Variants in HNRNPA0 observed in about 807,000 individuals in gnomAD.
HNRNPA0 encodes the protein hnRNA binding protein.
For missense variants in HNRNPA0, 252 were observed against 433.7 expected (o/e 0.58, Z 3.72); for synonymous variants, 243 against 195.5 (o/e 1.24, Z -2.03).
Position 137,753,277 on chromosome 5 carries a change from A to T in HNRNPA0, c.790T>A (p.Ser264Thr). The change falls in exon 1 of 1, where the codon TCC becomes ACC. Residue 264 changes from serine (S) to threonine (T), a missense_variant. By Grantham distance (58) the Ser-to-Thr change is moderately conservative. Transcript: ENST00000314940. The surrounding 1 kb of genome is among the most constrained non-coding windows in gnomAD (Gnocchi z 6.1). ...GFGSYSQHQSSYGPMKSGGGG... is the reference protein window; with the variant it reads ...GFGSYSQHQSTYGPMKSGGGG... ...CCGCCGCTCTTCATGGGCCCATAGG[A>T]GGACTGATGCTGGCTGTAGCTGCCG... is the stretch of plus-strand genomic sequence containing the variant. 1 of 1,597,914 alleles carries T rather than the reference A, an allele frequency of 6.3e-7. No individual in the cohort carries two copies. Among genetic ancestry groups the T allele is most frequent in the South Asian group, 1.1e-5 (1 of 90,006 alleles).
Position 137,746,332 on chromosome 5 carries a change from A to T in HNRNPA0, c.*6817T>A, listed in dbSNP as rs1753408270. 6.6e-6 allele frequency: 1 copy of T among 152,206 alleles called. No individual in the cohort carries two copies. Among genetic ancestry groups the T allele is most frequent in the African/African-American group, 2.4e-5 (1 of 41,448 alleles). 9.4% of individuals were successfully genotyped at this position (152,206 alleles called of 1,614,324 possible). A position where few individuals can be genotyped will look rare whatever the true frequency, so the allele number is the denominator to read the frequency against. ...CCTCTGCTCAAAACTGAAATGGTTC[A>T]CCATTCATTTAGTGAAAACCAAAAT... is the stretch of plus-strand genomic sequence containing the variant. On this transcript the variant is annotated 3_prime_UTR_variant, in exon 1 of 1. Coordinates refer to ENST00000314940, the MANE Select transcript of HNRNPA0 (RefSeq NM_006805.4).
rs901022689 is a variant in HNRNPA0 at position 137,746,129 on chromosome 5, T to A, written c.*7020A>T. 1 of 152,226 alleles carries A rather than the reference T, an allele frequency of 6.6e-6. No homozygotes were observed. Among genetic ancestry groups the A allele is most frequent in the Non-Finnish European group, 1.5e-5 (1 of 68,042 alleles). 9.4% of individuals were successfully genotyped at this position (152,226 alleles called of 1,614,324 possible). ...GATTCATTTTGGCCAAAAAGCAGCA[T>A]CTCTCAACATATATATGTAGATACC... On this transcript the variant is annotated 3_prime_UTR_variant, in exon 1 of 1. Transcript: ENST00000314940.
chr5:137,750,535 G>A lies in HNRNPA0; in HGVS notation c.*2614C>T, dbSNP rs1312209440. Reference sequence around the variant, plus strand: ...TTCAACACTAGGTTCTGTACCACCTGCTCCCATGAACTCTTAAATCTGAAT... The same window carrying A: ...TTCAACACTAGGTTCTGTACCACCTACTCCCATGAACTCTTAAATCTGAAT... On this transcript the variant is annotated 3_prime_UTR_variant, in exon 1 of 1. Transcript: ENST00000314940. The A allele has an allele frequency of 6.6e-6, 1 of 152,118 alleles. No individual in the cohort carries two copies. The highest frequency in any genetic ancestry group is 1.5e-5 in the Non-Finnish European group (1 of 67,998). The allele number at this position is 152,118 out of a possible 1,614,324, so 9.4% of individuals were successfully genotyped here. A position where few individuals can be genotyped will look rare whatever the true frequency, so the allele number is the denominator to read the frequency against.
rs957661060 is a variant in HNRNPA0, at chr5:137,752,931, T to C, written c.*218A>G. On this transcript the variant is annotated 3_prime_UTR_variant, in exon 1 of 1. Coordinates refer to ENST00000314940, the MANE Select transcript of HNRNPA0 (RefSeq NM_006805.4). ...CATCAATGACTGTAACACAAAAATG[T>C]GTATGTGGGGCCGAGTCCATCTTCA... 1.6e-4 allele frequency: 78 copies of C among 498,172 alleles called. No homozygotes were observed. Among genetic ancestry groups the C allele is most frequent in the Non-Finnish European group, 1.6e-4 (45 of 283,406 alleles). 30.9% of individuals were successfully genotyped at this position (498,172 alleles called of 1,614,324 possible).
At position 137,747,289 on chromosome 5, in the gene HNRNPA0, T is replaced by A. The variant is rs138221901; in HGVS notation, c.*5860A>T. The A allele has an allele frequency of 6.6e-6, 1 of 152,174 alleles. No homozygotes were observed. The highest frequency in any genetic ancestry group is 2.1e-4 in the South Asian group (1 of 4,822). The allele number at this position is 152,174 out of a possible 1,614,324, so 9.4% of individuals were successfully genotyped here. On this transcript the variant is annotated 3_prime_UTR_variant, in exon 1 of 1. Transcript: ENST00000314940. ...GAAAAGAGAGTATGCAGTTCTTTAT[T>A]TGTCAGCCTCCCAGGAACACAGAAC...
chr5:137,750,142 T>C lies in HNRNPA0; in HGVS notation c.*3007A>G, dbSNP rs1753473599. 1 of 152,158 alleles carries C rather than the reference T, an allele frequency of 6.6e-6. No homozygotes were observed. The highest frequency in any genetic ancestry group is 1.5e-5 in the Non-Finnish European group (1 of 68,012). 9.4% of individuals were successfully genotyped at this position (152,158 alleles called of 1,614,324 possible). A position where few individuals can be genotyped will look rare whatever the true frequency, so the allele number is the denominator to read the frequency against. On this transcript the variant is annotated 3_prime_UTR_variant, in exon 1 of 1. Transcript: ENST00000314940. ...CTACAGATATTCCAATCAAAAAATC[T>C]AAAATGCTCCAAAATCCGAAATTTT...
Position 137,748,483 on chromosome 5 carries a change from T to A in HNRNPA0, c.*4666A>T, listed in dbSNP as rs1753444416. ...TAAGATATAAAAGTATGCCTTTTGC[T>A]AGTCTGTCCCACCTCTTCATTAGGG... On this transcript the variant is annotated 3_prime_UTR_variant, in exon 1 of 1. Coordinates refer to ENST00000314940, the MANE Select transcript of HNRNPA0 (RefSeq NM_006805.4). 1 of 152,176 alleles carries A rather than the reference T, an allele frequency of 6.6e-6. No homozygotes were observed. The highest frequency in any genetic ancestry group is 2.1e-4 in the South Asian group (1 of 4,834). The allele number at this position is 152,176 out of a possible 1,614,324, so 9.4% of individuals were successfully genotyped here. A position where few individuals can be genotyped will look rare whatever the true frequency, so the allele number is the denominator to read the frequency against.
At position 137,750,571 on chromosome 5, in the gene HNRNPA0, T is replaced by TA. The variant is rs1753479138; in HGVS notation, c.*2577dup. ...CTCTTAAATCTGAATAATGTTCAGATAATTTTCATAGGTGGAAGTGGTCAA... is the reference window on the plus strand; with the variant it reads ...CTCTTAAATCTGAATAATGTTCAGATAAATTTTCATAGGTGGAAGTGGTCAA... On this transcript the variant is annotated 3_prime_UTR_variant, in exon 1 of 1. Coordinates refer to ENST00000314940, the MANE Select transcript of HNRNPA0 (RefSeq NM_006805.4). The TA allele has an allele frequency of 6.6e-6, 1 of 152,166 alleles. No homozygotes were observed. Among genetic ancestry groups the TA allele is most frequent in the South Asian group, 2.1e-4 (1 of 4,832 alleles). 9.4% of individuals were successfully genotyped at this position (152,166 alleles called of 1,614,324 possible).
chr5:137,748,647 T>C lies in HNRNPA0; in HGVS notation c.*4502A>G, dbSNP rs1368546460. 6.6e-6 allele frequency: 1 copy of C among 152,164 alleles called. No individual in the cohort carries two copies. Among genetic ancestry groups the C allele is most frequent in the Non-Finnish European group, 1.5e-5 (1 of 68,004 alleles). The allele number at this position is 152,164 out of a possible 1,614,324, so 9.4% of individuals were successfully genotyped here. A position where few individuals can be genotyped will look rare whatever the true frequency, so the allele number is the denominator to read the frequency against. On this transcript the variant is annotated 3_prime_UTR_variant, in exon 1 of 1. Transcript: ENST00000314940. ...TTTTTACAAATAAGGCAAGTGAGGC[T>C]CGGGCCAGTTTGTCCAAGGTCGCAG...
rs962233399 is a variant in HNRNPA0 at position 137,750,091 on chromosome 5, G to A, written c.*3058C>T. The A allele has an allele frequency of 2.0e-5, 3 of 151,944 alleles. No homozygotes were observed. Among genetic ancestry groups the A allele is most frequent in the Non-Finnish European group, 4.4e-5 (3 of 67,962 alleles). 9.4% of individuals were successfully genotyped at this position (151,944 alleles called of 1,614,324 possible). On this transcript the variant is annotated 3_prime_UTR_variant, in exon 1 of 1. Coordinates refer to ENST00000314940, the MANE Select transcript of HNRNPA0 (RefSeq NM_006805.4). ...GGATACAGTAAATCAGTACCAATGA[G>A]AGCTTTTTAAATGACCTGAAAAACA...
rs1007804614 is a variant in HNRNPA0, at chr5:137,753,397, C to T, written c.670G>A (p.Gly224Ser). 6.5e-7 allele frequency: 1 copy of T among 1,547,910 alleles called. No individual in the cohort carries two copies. The highest frequency in any genetic ancestry group is 8.7e-7 in the Non-Finnish European group (1 of 1,146,080). Residue 224 changes from glycine (G) to serine (S), a missense_variant, in exon 1 of 1, where the codon GGC becomes AGC. Transcript: ENST00000314940. The surrounding 1 kb of genome is among the most constrained non-coding windows in gnomAD (Gnocchi z 6.1). ...GGGYNSYGGY[G>S]GGGGGGYNAY... is the part of the protein sequence containing the mutation. ...TTGTAGCCGCCGCCTCCGCCGCCGCCGTAACCACCGTAGCTGTTGTAACCG... is the reference window on the plus strand; with the variant it reads ...TTGTAGCCGCCGCCTCCGCCGCCGCTGTAACCACCGTAGCTGTTGTAACCG...
rs1312695854 is a variant in HNRNPA0, at chr5:137,751,629, A to C, written c.*1520T>G. The C allele has an allele frequency of 1.3e-5, 2 of 152,164 alleles. No individual in the cohort carries two copies. The highest frequency in any genetic ancestry group is 2.9e-5 in the Non-Finnish European group (2 of 67,922). The allele number at this position is 152,164 out of a possible 1,614,324, so 9.4% of individuals were successfully genotyped here. On this transcript the variant is annotated 3_prime_UTR_variant, in exon 1 of 1. Transcript: ENST00000314940. ...ATAAACGTTGCTATTCTCTATTTCTATCCAGAAAGGCAATTTTCACCTATT... is the reference window on the plus strand; with the variant it reads ...ATAAACGTTGCTATTCTCTATTTCTCTCCAGAAAGGCAATTTTCACCTATT...
In HNRNPA0 at chr5:137,749,355, C is replaced by T. The variant is rs911713698; in HGVS notation, c.*3794G>A. 8 of 152,014 alleles carry T rather than the reference C, an allele frequency of 5.3e-5. No individual in the cohort carries two copies. The highest frequency in any genetic ancestry group is 1.3e-4 in the Admixed American group (2 of 15,274). 9.4% of individuals were successfully genotyped at this position (152,014 alleles called of 1,614,324 possible). ...CTCTCTGAAGGTTCAAATCATCTGG[C>T]TTCAAATCAAAGTAAAAAAAATAGG... On this transcript the variant is annotated 3_prime_UTR_variant, in exon 1 of 1. Transcript: ENST00000314940.
At position 137,751,544 on chromosome 5, in the gene HNRNPA0, C is replaced by T. The variant is rs985550440; in HGVS notation, c.*1605G>A. 1 of 148,838 alleles carries T rather than the reference C, an allele frequency of 6.7e-6. No homozygotes were observed. Among genetic ancestry groups the T allele is most frequent in the African/African-American group, 2.5e-5 (1 of 39,994 alleles). The allele number at this position is 148,838 out of a possible 1,614,324, so 9.2% of individuals were successfully genotyped here. ...TAAAAGGTACTCTGAACCCACCCAC[C>T]AGGTTATACATACTCTCACTCAATC... On this transcript the variant is annotated 3_prime_UTR_variant, in exon 1 of 1. Coordinates refer to ENST00000314940, the MANE Select transcript of HNRNPA0 (RefSeq NM_006805.4).
At position 137,750,089 on chromosome 5, in the gene HNRNPA0, G is replaced by C. The variant is rs376513337; in HGVS notation, c.*3060C>G. ...TTGGATACAGTAAATCAGTACCAAT[G>C]AGAGCTTTTTAAATGACCTGAAAAA... On this transcript the variant is annotated 3_prime_UTR_variant, in exon 1 of 1. Coordinates refer to ENST00000314940, the MANE Select transcript of HNRNPA0 (RefSeq NM_006805.4). 4.6e-5 allele frequency: 7 copies of C among 152,050 alleles called. No homozygotes were observed. Among genetic ancestry groups the C allele is most frequent in the African/African-American group, 1.7e-4 (7 of 41,402 alleles). 9.4% of individuals were successfully genotyped at this position (152,050 alleles called of 1,614,324 possible).
In HNRNPA0 at chr5:137,748,424, A is replaced by G. The variant is rs1753443292; in HGVS notation, c.*4725T>C. On this transcript the variant is annotated 3_prime_UTR_variant, in exon 1 of 1. Coordinates refer to ENST00000314940, the MANE Select transcript of HNRNPA0 (RefSeq NM_006805.4). ...ATGGAAGCTCACCCAGCAAGTAAAG[A>G]GCAAAGCCTAAAGACCATGCATATC... The G allele has an allele frequency of 6.6e-6, 1 of 152,212 alleles. No homozygotes were observed. Among genetic ancestry groups the G allele is most frequent in the East Asian group, 1.9e-4 (1 of 5,206 alleles). The allele number at this position is 152,212 out of a possible 1,614,324, so 9.4% of individuals were successfully genotyped here.
rs1169152665 is a variant in HNRNPA0, at chr5:137,748,263, G to T, written c.*4886C>A. ...CCTCTCTTGATCCTTCTTCCTACCT[G>T]AAGTCACCTCTCCTCAACACTCACA... is the stretch of plus-strand genomic sequence containing the variant. On this transcript the variant is annotated 3_prime_UTR_variant, in exon 1 of 1. Coordinates refer to ENST00000314940, the MANE Select transcript of HNRNPA0 (RefSeq NM_006805.4). The T allele has an allele frequency of 6.6e-6, 1 of 152,054 alleles. No individual in the cohort carries two copies. The highest frequency in any genetic ancestry group is 2.4e-5 in the African/African-American group (1 of 41,364). 9.4% of individuals were successfully genotyped at this position (152,054 alleles called of 1,614,324 possible). A position where few individuals can be genotyped will look rare whatever the true frequency, so the allele number is the denominator to read the frequency against.
Position 137,753,437 on chromosome 5 carries a change from G to A in HNRNPA0, c.630C>T (p.Ser210=). 1 of 1,554,248 alleles carries A rather than the reference G, an allele frequency of 6.4e-7. No individual in the cohort carries two copies. The highest frequency in any genetic ancestry group is 1.4e-5 in the African/African-American group (1 of 73,218). The part of the protein sequence containing the change: ...RGGGRDQNGL[S]KGGGGGYNSY... Reference sequence around the variant, plus strand: ...TGTTGTAACCGCCGCCGCCGCCCTTGGAAAGGCCGTTCTGGTCTCGACCAC... The same window carrying A: ...TGTTGTAACCGCCGCCGCCGCCCTTAGAAAGGCCGTTCTGGTCTCGACCAC... The change falls in exon 1 of 1, where the codon TCC becomes TCT. Residue 210 remains serine (S), a synonymous_variant. Transcript: ENST00000314940. This position sits in a 1 kb window ranked among gnomAD's most constrained non-coding sequence, Gnocchi z 6.1.
chr5:137,753,659 G>A lies in HNRNPA0; in HGVS notation c.408C>T (p.Gly136=), dbSNP rs143964663. Residue 136 remains glycine, a synonymous_variant, in exon 1 of 1, where the codon GGC becomes GGT. Transcript: ENST00000314940. The surrounding 1 kb of genome is among the most constrained non-coding windows in gnomAD (Gnocchi z 6.1). ...KAEIIADKQS[G]KKRGFGFVYF... The stretch of plus-strand genomic sequence containing the variant: ...ACACGAAGCCGAATCCACGCTTCTT[G>A]CCGGACTGCTTGTCGGCAATAATCT... 9.2e-5 allele frequency: 148 copies of A among 1,614,082 alleles called. 1 individual carries two copies. In the East Asian group the frequency reaches 3.2e-3, roughly 35 times the overall value.
Sources: allele counts gnomAD v4.1 joint callset, GRCh38; gene constraint gnomAD v4.1.1; non-coding constraint Gnocchi (gnomAD v3.1); transcripts MANE v1.5; gene names NCBI Gene and HGNC (gene_info 2026-07-23, HGNC 2026-07-21).